CST9: variants seen among roughly 807,000 people sequenced by gnomAD.
CST9 encodes cystatin-9.
Under a neutral mutation model 7.7 loss-of-function variants are expected in CST9, and 11 were observed. The observed-to-expected ratio is 1.44, with a 90% confidence interval of 0.90 to 2.38. The LOEUF is 2.38. CST9 is among the 30% of genes most tolerant of loss of function. The pLI, the probability that CST9 is intolerant of heterozygous loss-of-function variation, is 0.00. For synonymous variants in CST9, 71 were observed against 74.3 expected, an observed-to-expected ratio of 0.96 and a Z score of 0.23; for missense variants, 214 against 199.1, an observed-to-expected ratio of 1.07 and a Z score of -0.45.
At position 23,602,975 on chromosome 20, in the gene CST9, C is replaced by T. The variant is rs1978655638; in HGVS notation, c.*535G>A. ...TCCAGCCCGTGCCCCTCAGGGGAAC[C>T]CCAGGCTGTCCTGGTGTGATCCCTG... On this transcript the variant is annotated 3_prime_UTR_variant, in exon 2 of 2. Transcript: ENST00000376971. The T allele has an allele frequency of 1.0e-6, 1 of 991,066 alleles. No homozygotes were observed. Among genetic ancestry groups the T allele is most frequent in the African/African-American group, 1.7e-5 (1 of 57,276 alleles). 61.4% of individuals were successfully genotyped at this position (991,066 alleles called of 1,614,324 possible).
chr20:23,603,800 G>T (rs1412121287), intron 1 of CST9, 66 bp from the exon 2 acceptor site: 10 of 1,514,468 alleles, frequency 6.6e-6, no homozygotes, highest in Admixed American at 3.4e-5. Flanking sequence ...TACTAGTGAA[G>T]ATGCCATTTG....
Position 23,605,816 on chromosome 20 carries a change from G to A in CST9, c.49C>T (p.Leu17Phe), listed in dbSNP as rs145216948. ...ACCAGGAGCTGGAAGCCCATGAGAA[G>A]CAGTGACAGTGCCCAGGGCATAGCC... is the stretch of plus-strand genomic sequence containing the variant. ...RKAMPWALSL[L>F]LMGFQLLVTY... The change falls in exon 1 of 2, where the codon CTT (leucine) becomes TTT (phenylalanine). Residue 17 changes from leucine (L) to phenylalanine (F), a missense_variant. Leu to Phe is a conservative substitution (Grantham distance 22, BLOSUM62 0). Transcript: ENST00000376971. The A allele has an allele frequency of 3.1e-6, 5 of 1,614,078 alleles. No individual in the cohort carries two copies. The African/African-American group carries it at 6.7e-5, about 22-fold the overall frequency.
Position 23,602,748 on chromosome 20 carries a change from G to A in CST9, c.*762C>T. ...ACAAACAGGAAGAGACAGTAGGGCGGGGTTTGGGGAGGTTCGGGAATCTTG... is the reference window on the plus strand; with the variant it reads ...ACAAACAGGAAGAGACAGTAGGGCGAGGTTTGGGGAGGTTCGGGAATCTTG... On this transcript the variant is annotated 3_prime_UTR_variant, in exon 2 of 2. Transcript: ENST00000376971. 1.0e-6 allele frequency: 1 copy of A among 985,606 alleles called. No homozygotes were observed. Among genetic ancestry groups the A allele is most frequent in the Non-Finnish European group, 1.2e-6 (1 of 830,078 alleles). 61.1% of individuals were successfully genotyped at this position (985,606 alleles called of 1,614,324 possible). A position where few individuals can be genotyped will look rare whatever the true frequency, so the allele number is the denominator to read the frequency against.
chr20:23,604,561 C>G (rs1978710496), intron 1 of CST9, among the ~76,000 whole-genome samples: 1 of 152,202 alleles, frequency 6.6e-6, no homozygotes, highest in Non-Finnish European at 1.5e-5. Flanking sequence ...AAGCATGAGG[C>G]CTGGCCAATC....
chr20:23,605,376 T>C (rs758440249), intron 1 of CST9, among the ~76,000 whole-genome samples: 1 of 152,208 alleles, frequency 6.6e-6, no homozygotes, highest in Non-Finnish European at 1.5e-5. Context: ...AGTTATACAA[T>C]GTCTTAAAAA....
chr20:23,604,008 A>G (rs1045479623), intron 1 of CST9, among the ~76,000 whole-genome samples: 2 of 151,902 alleles, frequency 1.3e-5, no homozygotes. Context: ...ACCCACCCCC[A>G]TTTCCCACGG....
chr20:23,603,743 CAAA>C lies in CST9; in HGVS notation c.256-12_256-10del, dbSNP rs1345459802. The C allele has an allele frequency of 6.2e-7, 1 of 1,613,942 alleles. No homozygotes were observed. The highest frequency in any genetic ancestry group is 8.5e-7 in the Non-Finnish European group (1 of 1,179,960). On this transcript the variant is annotated splice_polypyrimidine_tract_variant and intron_variant, in intron 1 of 1. Transcript: ENST00000376971. ...ACCATCTTACCTCGCCACTGTTGGA[CAAA>C]AGAAGATTAAAGTGGATGCACCGTC... is the stretch of plus-strand genomic sequence containing the variant.
chr20:23,603,088 T>A lies in CST9; in HGVS notation c.*422A>T. 9.7e-7 allele frequency: 1 copy of A among 1,029,448 alleles called. No homozygotes were observed. Among genetic ancestry groups the A allele is most frequent in the Non-Finnish European group, 1.2e-6 (1 of 857,836 alleles). The allele number at this position is 1,029,448 out of a possible 1,614,324, so 63.8% of individuals were successfully genotyped here. A position where few individuals can be genotyped will look rare whatever the true frequency, so the allele number is the denominator to read the frequency against. On this transcript the variant is annotated 3_prime_UTR_variant, in exon 2 of 2. Transcript: ENST00000376971. ...AGTTACCTATTTGTTAATCTTACAATAAGGGGGTTGACTAAGAATGGGAAG... is the reference window on the plus strand; with the variant it reads ...AGTTACCTATTTGTTAATCTTACAAAAAGGGGGTTGACTAAGAATGGGAAG...
At chr20:23,604,415 G>C (rs1289960311) in intron 1 of CST9, among the ~76,000 whole-genome samples, 1 of 152,198 alleles carries the variant, frequency 6.6e-6, no homozygotes, top group African/African-American at 2.4e-5. Context: ...AGGAAGCCAT[G>C]TGGAAAGCTT....
In CST9 at chr20:23,603,404, A is replaced by C. The variant is rs1978669812; in HGVS notation, c.*106T>G. ...AATGGTGTCAGAGGGCAGAATCAGGAAACTCAGATTGGCCAGGGGCCTGAA... is the reference window on the plus strand; with the variant it reads ...AATGGTGTCAGAGGGCAGAATCAGGCAACTCAGATTGGCCAGGGGCCTGAA... On this transcript the variant is annotated 3_prime_UTR_variant, in exon 2 of 2. Transcript: ENST00000376971. 6.8e-6 allele frequency: 10 copies of C among 1,480,448 alleles called. No individual in the cohort carries two copies. The highest frequency in any genetic ancestry group is 9.0e-6 in the Non-Finnish European group (10 of 1,116,570). The allele number at this position is 1,480,448 out of a possible 1,614,324, so 91.7% of individuals were successfully genotyped here.
Position 23,603,601 on chromosome 20 carries a change from A to G in CST9, c.389T>C (p.Phe130Ser), listed in dbSNP as rs768448673. ...ELNNVRQGIS[F>S]PQVHSCGCCM... Reference sequence around the variant, plus strand: ...GCATCCACAGCTGTGGACCTGAGGAAAGCTGATGCCCTGTCTTACGTTGTT... The same window carrying G: ...GCATCCACAGCTGTGGACCTGAGGAGAGCTGATGCCCTGTCTTACGTTGTT... Residue 130 changes from phenylalanine (F) to serine (S), a missense_variant, in exon 2 of 2, where the codon TTT (phenylalanine) becomes TCT (serine). Physicochemically the swap from Phe to Ser is radical, Grantham distance 155. Transcript: ENST00000376971. 8 of 1,614,070 alleles carry G rather than the reference A, an allele frequency of 5.0e-6. No individual in the cohort carries two copies. Among genetic ancestry groups the G allele is most frequent in the Non-Finnish European group, 6.8e-6 (8 of 1,180,040 alleles).
Position 23,603,341 on chromosome 20 carries a change from G to A in CST9, c.*169C>T. The A allele has an allele frequency of 7.0e-7, 1 of 1,437,294 alleles. No homozygotes were observed. 89.0% of individuals were successfully genotyped at this position (1,437,294 alleles called of 1,614,324 possible). A position where few individuals can be genotyped will look rare whatever the true frequency, so the allele number is the denominator to read the frequency against. On this transcript the variant is annotated 3_prime_UTR_variant, in exon 2 of 2. Transcript: ENST00000376971. ...AAGTGGGGAGGAAGACCAGAGAGAA[G>A]GTTCTGAAGGCCATGTGGCCCAGGT...
intron 1 of CST9, among the ~76,000 whole-genome samples, chr20:23,605,370 A>G (rs923041648): frequency 3.3e-5 from 5 of 152,196 alleles, no homozygotes; most frequent in African/African-American, 9.7e-5. Flanking sequence ...CTCTTCAGTT[A>G]TACAATGTCT....
At chr20:23,604,257 A>G (rs1978702043) in intron 1 of CST9, among the ~76,000 whole-genome samples, 1 of 152,176 alleles carries the variant, frequency 6.6e-6, no homozygotes, top group Non-Finnish European at 1.5e-5. Context: ...AATGGGTTCA[A>G]GAAATACCAT....
At chr20:23,605,379 C>T (rs941992926) in intron 1 of CST9, among the ~76,000 whole-genome samples, 1 of 152,076 alleles carries the variant, frequency 6.6e-6, no homozygotes, top group Non-Finnish European at 1.5e-5. Flanking sequence ...TATACAATGT[C>T]TTAAAAATCA....
rs1440557197 is a variant in CST9 at position 23,603,627 on chromosome 20, C to T, written c.363G>A (p.Leu121=). ...DNCPFQESLE[L]NNVRQGISFP... Reference sequence around the variant, plus strand: ...AGCTGATGCCCTGTCTTACGTTGTTCAGCTCCAGGCTTTCTTGAAAAGGGC... The same window carrying T: ...AGCTGATGCCCTGTCTTACGTTGTTTAGCTCCAGGCTTTCTTGAAAAGGGC... Residue 121 remains leucine, a synonymous_variant, in exon 2 of 2, where the codon CTG becomes CTA. Transcript: ENST00000376971. 1 of 1,614,096 alleles carries T rather than the reference C, an allele frequency of 6.2e-7. No homozygotes were observed. Among genetic ancestry groups the T allele is most frequent in the Non-Finnish European group, 8.5e-7 (1 of 1,180,038 alleles).
chr20:23,602,876 G>C lies in CST9; in HGVS notation c.*634C>G, dbSNP rs1490443885. ...CCTTCAGGTCTAGCCTGAGCCTGAG[G>C]CCAATCCTGAACTACAACGTGATTT... is the stretch of plus-strand genomic sequence containing the variant. On this transcript the variant is annotated 3_prime_UTR_variant, in exon 2 of 2. Coordinates refer to ENST00000376971, the MANE Select transcript of CST9 (RefSeq NM_001008693.3). The C allele has an allele frequency of 1.0e-6, 1 of 986,862 alleles. No homozygotes were observed. Among genetic ancestry groups the C allele is most frequent in the Non-Finnish European group, 1.2e-6 (1 of 831,176 alleles). The allele number at this position is 986,862 out of a possible 1,614,324, so 61.1% of individuals were successfully genotyped here.
At chr20:23,604,601 A>T (rs1174889357) in intron 1 of CST9, among the ~76,000 whole-genome samples, 2 of 152,252 alleles carry the variant, frequency 1.3e-5, no homozygotes, top group Non-Finnish European at 2.9e-5. Flanking sequence ...AGGTTCCAGC[A>T]TGAATATTAG....
Position 23,603,112 on chromosome 20 carries a change from A to C in CST9, c.*398T>G. On this transcript the variant is annotated 3_prime_UTR_variant, in exon 2 of 2. Transcript: ENST00000376971. ...ATAAGGGGGTTGACTAAGAATGGGA[A>C]GTTTTCCCAGAGCCAGGCTTTGCTT... 9.6e-7 allele frequency: 1 copy of C among 1,043,244 alleles called. No homozygotes were observed. Among genetic ancestry groups the C allele is most frequent in the Non-Finnish European group, 1.2e-6 (1 of 866,984 alleles). 64.6% of individuals were successfully genotyped at this position (1,043,244 alleles called of 1,614,324 possible).
Sources: allele counts gnomAD v4.1 joint callset (sites outside exome capture counted in the v4.1 genomes callset), GRCh38; gene constraint gnomAD v4.1.1; transcripts MANE v1.5; gene names NCBI Gene and HGNC (gene_info 2026-07-23, HGNC 2026-07-21).